MTM1: variants seen among roughly 807,000 people sequenced by gnomAD.
MTM1 encodes myotubularin 1, also known as myotubularin.
Under a neutral mutation model 52.1 loss-of-function variants are expected in MTM1, and 9 were observed. The observed-to-expected ratio is 0.17, with a 90% CI of 0.10 to 0.30. MTM1 has a LOEUF of 0.30. Among genes scored for constraint, MTM1 ranks in the 10% least tolerant of loss-of-function variants. The pLI, the probability that MTM1 is intolerant of heterozygous loss-of-function variation, is 1.00. For synonymous variants in MTM1, 136 were observed against 163.8 expected (o/e 0.83, Z 1.29); for missense variants, 277 against 470.7 (o/e 0.59, Z 3.81).
chrX:150,582,334 A>G (rs1425891095), intron 1 of MTM1, among the ~76,000 whole-genome samples: 1 of 112,280 alleles, frequency 8.9e-6, no homozygotes, highest in Non-Finnish European at 1.9e-5. Context: ...TATTCATTGA[A>G]TGCTTATGGA....
chrX:150,655,496 C>CTA (rs1402653381), intron 10 of MTM1, among the ~76,000 whole-genome samples: 3 of 111,681 alleles, frequency 2.7e-5, no homozygotes, highest in Non-Finnish European at 5.6e-5. Flanking sequence ...AACCAAATGT[C>CTA]TATCAGTTGA....
intron 3 of MTM1, 40 bp downstream of exon 3, chrX:150,596,610 G>GC: frequency 8.9e-7 from 1 of 1,118,773 alleles, no homozygotes; most frequent in Non-Finnish European, 1.2e-6. Flanking sequence ...AACTTGAGGA[G>GC]AAGTCTGGCA....
At chrX:150,615,065 GC>G (rs1406235865) in intron 5 of MTM1, among the ~76,000 whole-genome samples, 4 of 111,816 alleles carry the variant, frequency 3.6e-5, no homozygotes, top group African/African-American at 1.3e-4. Context: ...AAGAGATTTT[GC>G]CCTCTGTTAA....
intron 1 of MTM1, among the ~76,000 whole-genome samples, chrX:150,589,503 T>G (rs181506813): frequency 3.3e-4 from 37 of 111,986 alleles, no homozygotes; most frequent in Middle Eastern, 4.6e-3. Flanking sequence ...TAAAAAAACT[T>G]GATTGTTAGG....
chrX:150,669,520 G>A (rs977206738), intron 14 of MTM1, among the ~76,000 whole-genome samples: 2 of 111,642 alleles, frequency 1.8e-5, no homozygotes, highest in Admixed American at 1.9e-4. Context: ...CCACAGCCTC[G>A]CCAGCATCTA....
In MTM1 at chrX:150,583,468, A is replaced by G. The variant is rs1255063976; in HGVS notation, c.-10-9137A>G. On this transcript the variant is annotated intron_variant, in intron 1 of 14. Coordinates refer to ENST00000370396, the MANE Select transcript of MTM1 (RefSeq NM_000252.3). ...ATATATATTATATATAATTATAAAT[A>G]TATATAAATTATATATATTATATAT... Among the ~76,000 whole-genome samples, 10 of 34,376 alleles carry G rather than the reference A, an allele frequency of 2.9e-4. 1 individual carries two copies. Among genetic ancestry groups the G allele is most frequent in the Non-Finnish European group, 4.6e-4 (10 of 21,676 alleles). 29.9% of individuals were successfully genotyped at this position (34,376 alleles called of 115,157 possible).
chrX:150,643,524 T>TAC (rs781873079), intron 8 of MTM1, among the ~76,000 whole-genome samples: 126 of 110,836 alleles, frequency 1.1e-3, no homozygotes, highest in African/African-American at 3.1e-3. Flanking sequence ...AGCATATATC[T>TAC]ACACACACAC....
chrX:150,584,751 G>T (rs190307820), intron 1 of MTM1, among the ~76,000 whole-genome samples: 85 of 111,404 alleles, frequency 7.6e-4, no homozygotes, highest in African/African-American at 2.7e-3. Flanking sequence ...AATCCTTGGA[G>T]GCCCAAGTCC....
chrX:150,644,426 T>C (rs1466065802), intron 8 of MTM1, among the ~76,000 whole-genome samples: 1 of 111,785 alleles, frequency 8.9e-6, no homozygotes, highest in Non-Finnish European at 1.9e-5. Flanking sequence ...TCTAGCATGG[T>C]GCAAGGACCA....
Position 150,619,070 on chromosome X carries a change from G to A in MTM1, c.375G>A (p.Gln125=). 5 of 1,210,402 alleles carry A rather than the reference G, an allele frequency of 4.1e-6. No individual in the cohort carries two copies. In the South Asian group the frequency reaches 7.0e-5, roughly 17 times the overall value. Residue 125 remains glutamine (Q), a synonymous_variant, in exon 6 of 15, where the codon CAG becomes CAA. Coordinates refer to ENST00000370396, the MANE Select transcript of MTM1 (RefSeq NM_000252.3). ...GAAACCTGAGGTTCGCTTTGAAACA[G>A]GAAGGCCACAGCAGAAGAGATATGT... ...DMRNLRFALK[Q]EGHSRRDMFE...
At chrX:150,582,430 T>A (rs782217161) in intron 1 of MTM1, among the ~76,000 whole-genome samples, 2 of 111,898 alleles carry the variant, frequency 1.8e-5, no homozygotes, top group African/African-American at 6.5e-5. Flanking sequence ...GCCAACCTCC[T>A]GCCTATTATG....
intron 6 of MTM1, among the ~76,000 whole-genome samples, chrX:150,622,251 A>G (rs953988219): frequency 6.8e-4 from 75 of 110,535 alleles, no homozygotes; most frequent in African/African-American, 2.3e-3. Flanking sequence ...GGAAGGTGAC[A>G]TTATCTTAGG....
chrX:150,572,520 C>T (rs1193278528), intron 1 of MTM1, among the ~76,000 whole-genome samples: 1 of 111,952 alleles, frequency 8.9e-6, no homozygotes, highest in Non-Finnish European at 1.9e-5. Context: ...CCTGATGTCA[C>T]TGGTATACCA....
At chrX:150,643,940 T>C (rs2039887936) in intron 8 of MTM1, among the ~76,000 whole-genome samples, 1 of 110,617 alleles carries the variant, frequency 9.0e-6, no homozygotes, top group African/African-American at 3.3e-5. Context: ...AAGCATCCTT[T>C]TCAAAAAGTA....
chrX:150,569,558 G>T (rs2038329244), intron 1 of MTM1, among the ~76,000 whole-genome samples: 1 of 111,644 alleles, frequency 9.0e-6, no homozygotes, highest in Non-Finnish European at 1.9e-5. Context: ...TTTCCTGGAT[G>T]GGGGAACTGA....
chrX:150,595,676 C>T (rs1408607105), intron 2 of MTM1, among the ~76,000 whole-genome samples: 4 of 112,357 alleles, frequency 3.6e-5, no homozygotes, highest in South Asian at 7.4e-4. Flanking sequence ...AACACATCTT[C>T]GTATTAATCC....
chrX:150,601,139 T>G (rs1557412736), intron 4 of MTM1, among the ~76,000 whole-genome samples: 1 of 111,884 alleles, frequency 8.9e-6, no homozygotes, highest in Non-Finnish European at 1.9e-5. Flanking sequence ...GTTTTATTTT[T>G]GTTTGTATAT....
chrX:150,572,051 C>A (rs2090055419), intron 1 of MTM1, among the ~76,000 whole-genome samples: 1 of 112,028 alleles, frequency 8.9e-6, no homozygotes, highest in Admixed American at 9.5e-5. Context: ...GCATTGTGTA[C>A]TACTAGTGCT....
At chrX:150,617,057 C>T (rs781991391) in intron 5 of MTM1, among the ~76,000 whole-genome samples, 3 of 112,272 alleles carry the variant, frequency 2.7e-5, no homozygotes, top group Non-Finnish European at 5.6e-5. Context: ...GGTGATCTGC[C>T]GCCTGTGAGT....
Sources: gnomAD v4.1 joint callset for allele counts (sites outside exome capture counted in the v4.1 genomes callset) on GRCh38, gnomAD v4.1.1 for gene constraint, MANE v1.5 for transcripts, NCBI Gene and HGNC (gene_info 2026-07-23, HGNC 2026-07-21) for gene names.